Variants in MCUR1 observed in about 807,000 individuals in gnomAD.
MCUR1 encodes the protein mitochondrial calcium uniporter regulator 1, also known as MCU regulator 1.
In MCUR1, 37 loss-of-function variants were observed where a neutral mutation model predicts 42.0. The observed-to-expected ratio is 0.88, with a 90% CI of 0.68 to 1.16. MCUR1 has a LOEUF of 1.16. Ranked by LOEUF, MCUR1 falls within the 50% of genes most tolerant of loss-of-function variation. The pLI, the probability that MCUR1 is intolerant of heterozygous loss-of-function variation, is 0.00. For missense variants in MCUR1, 469 were observed against 468.4 expected (o/e 1.00, Z -0.01); for synonymous variants, 229 against 196.2 (o/e 1.17, Z -1.40).
chr6:13,809,629 C>T (rs1349853039), intron 1 of MCUR1, among the ~76,000 whole-genome samples: 2 of 150,078 alleles, frequency 1.3e-5, no homozygotes, highest in South Asian at 4.2e-4. Flanking sequence ...TGAACTAGTT[C>T]ATGGTTGTAA....
chr6:13,790,878 A>G lies in MCUR1; in HGVS notation c.1025-14T>C. ...TAAATATAGACCCTGTAAGAAAAAAACAATTGAGAGTACTATTAGTTCTAT... is the reference window on the plus strand; with the variant it reads ...TAAATATAGACCCTGTAAGAAAAAAGCAATTGAGAGTACTATTAGTTCTAT... On this transcript the variant is annotated splice_polypyrimidine_tract_variant and intron_variant, in intron 8 of 8. Transcript: ENST00000379170. 1 of 1,595,566 alleles carries G rather than the reference A, an allele frequency of 6.3e-7. No individual in the cohort carries two copies. Among genetic ancestry groups the G allele is most frequent in the South Asian group, 1.1e-5 (1 of 90,202 alleles).
intron 1 of MCUR1, among the ~76,000 whole-genome samples, chr6:13,807,250 T>C (rs1175528880): frequency 6.6e-6 from 1 of 152,208 alleles, no homozygotes; most frequent in Non-Finnish European, 1.5e-5. Flanking sequence ...AAATTTAGAA[T>C]ACTTTCATCA....
chr6:13,807,416 A>T lies in MCUR1; in HGVS notation c.416-372T>A, dbSNP rs114205804. 3.5e-3 allele frequency among the ~76,000 whole-genome samples: 534 copies of T among 152,232 alleles called. 4 individuals are homozygous for T. The highest frequency in any genetic ancestry group is 0.012 in the African/African-American group (509 of 41,532). On this transcript the variant is annotated intron_variant, in intron 1 of 8. Transcript: ENST00000379170. ...TCATAGAAATGGAATCATATAATAT[A>T]TATAGTCTTTTGTGACTGGCTTCTT...
Position 13,789,473 on chromosome 6 carries a change from A to C in MCUR1, c.*1336T>G, listed in dbSNP as rs1759677311. The C allele has an allele frequency of 1.3e-5, 2 of 152,344 alleles. No individual in the cohort carries two copies. Among genetic ancestry groups the C allele is most frequent in the South Asian group, 2.1e-4 (1 of 4,826 alleles). The allele number at this position is 152,344 out of a possible 1,614,324, so 9.4% of individuals were successfully genotyped here. ...GTATCTAGAATTTGTTTTCAATATA[A>C]AGGCAGGTATGAGAATGTTTTGAAC... On this transcript the variant is annotated 3_prime_UTR_variant, in exon 9 of 9. Transcript: ENST00000379170.
At chr6:13,803,298 T>C (rs1760033626) in intron 2 of MCUR1, among the ~76,000 whole-genome samples, 1 of 152,222 alleles carries the variant, frequency 6.6e-6, no homozygotes, top group African/African-American at 2.4e-5. Flanking sequence ...CGACCTCAGG[T>C]GATCTGCCCG....
At chr6:13,798,186 C>G (rs972538221) in intron 6 of MCUR1, among the ~76,000 whole-genome samples, 15 of 151,510 alleles carry the variant, frequency 9.9e-5, no homozygotes, top group Non-Finnish European at 1.9e-4. Context: ...ACCTCTGCCT[C>G]CTGGGTTCAA....
intron 6 of MCUR1, among the ~76,000 whole-genome samples, chr6:13,796,357 G>A (rs901132491): frequency 1.3e-5 from 2 of 148,602 alleles, no homozygotes; most frequent in African/African-American, 2.5e-5. Flanking sequence ...GCGTGATCTC[G>A]GCTCACTGCA....
At chr6:13,794,475 A>G (rs553975491) in intron 6 of MCUR1, among the ~76,000 whole-genome samples, 23 of 152,340 alleles carry the variant, frequency 1.5e-4, no homozygotes, top group Admixed American at 1.2e-3. Flanking sequence ...CATCATAACT[A>G]GTAGCAAAAC....
In MCUR1 at chr6:13,814,133, A is replaced by G; in HGVS notation, c.297T>C (p.Tyr99=). ...LGDWERSRLG[Y]AAPPAGRSSA... ...TGCTGCGCCCGGCCGGGGGTGCGGC[A>G]TACCCGAGGCGCGAGCGCTCCCAGT... The change falls in exon 1 of 9, where the codon TAT becomes TAC. Residue 99 remains tyrosine, a synonymous_variant. Transcript: ENST00000379170. 7.8e-7 allele frequency: 1 copy of G among 1,285,476 alleles called. No individual in the cohort carries two copies. Among genetic ancestry groups the G allele is most frequent in the Non-Finnish European group, 9.8e-7 (1 of 1,021,692 alleles). The allele number at this position is 1,285,476 out of a possible 1,614,324, so 79.6% of individuals were successfully genotyped here.
In MCUR1 at chr6:13,806,967, A is replaced by G. The variant is rs999649281; in HGVS notation, c.493T>C (p.Tyr165His). The G allele has an allele frequency of 6.2e-7, 1 of 1,613,506 alleles. No homozygotes were observed. Among genetic ancestry groups the G allele is most frequent in the South Asian group, 1.1e-5 (1 of 91,050 alleles). Reference protein sequence around the residue: ...DFTSSGSRKLYFDTHALVCLL... With the variant: ...DFTSSGSRKLHFDTHALVCLL... ...CACACTAAGGCATGAGTGTCGAAGTAGAGTTTCCTGCTCCCAGAAGAGGTG... is the reference window on the plus strand; with the variant it reads ...CACACTAAGGCATGAGTGTCGAAGTGGAGTTTCCTGCTCCCAGAAGAGGTG... The change falls in exon 2 of 9, where the codon TAC becomes CAC. Residue 165 changes from tyrosine to histidine, a missense_variant. Coordinates refer to ENST00000379170, the MANE Select transcript of MCUR1 (RefSeq NM_001031713.4).
At chr6:13,807,536 G>C (rs932031373) in intron 1 of MCUR1, among the ~76,000 whole-genome samples, 1 of 152,212 alleles carries the variant, frequency 6.6e-6, no homozygotes, top group Admixed American at 6.5e-5. Context: ...TATAGCTACA[G>C]TAAATTTTGT....
intron 1 of MCUR1, among the ~76,000 whole-genome samples, chr6:13,808,887 G>C (rs1760169667): frequency 6.6e-6 from 1 of 152,046 alleles, no homozygotes; most frequent in Admixed American, 6.6e-5. Context: ...ACACTTTCTT[G>C]ATTACTTTTA....
Position 13,814,444 on chromosome 6 carries a change from C to A in MCUR1, c.-15G>T. On this transcript the variant is annotated 5_prime_UTR_variant, in exon 1 of 9. Coordinates refer to ENST00000379170, the MANE Select transcript of MCUR1 (RefSeq NM_001031713.4). ...CCGCAGTCCATCCCCGAGCAGTTCA[C>A]TGGCCCGGGCGCGCGCTCATGCCTC... is the stretch of plus-strand genomic sequence containing the variant. 6.7e-7 allele frequency: 1 copy of A among 1,498,006 alleles called. No individual in the cohort carries two copies. The allele number at this position is 1,498,006 out of a possible 1,614,324, so 92.8% of individuals were successfully genotyped here. A position where few individuals can be genotyped will look rare whatever the true frequency, so the allele number is the denominator to read the frequency against.
At chr6:13,804,158 TA>T in intron 2 of MCUR1, 1 of 253,630 alleles carries the variant, frequency 3.9e-6, no homozygotes, top group South Asian at 4.0e-5. Context: ...CCGTCTCTAG[TA>T]AAAATACAGA....
chr6:13,790,658 G>C lies in MCUR1; in HGVS notation c.*151C>G. ...AGTAGAGACGGGGTTTCACCGTGTTGGCCAGGCTGGTCTCGAACTCCTGAC... is the reference window on the plus strand; with the variant it reads ...AGTAGAGACGGGGTTTCACCGTGTTCGCCAGGCTGGTCTCGAACTCCTGAC... On this transcript the variant is annotated 3_prime_UTR_variant, in exon 9 of 9. Coordinates refer to ENST00000379170, the MANE Select transcript of MCUR1 (RefSeq NM_001031713.4). 2.0e-6 allele frequency: 1 copy of C among 496,528 alleles called. No homozygotes were observed. The highest frequency in any genetic ancestry group is 3.7e-6 in the Non-Finnish European group (1 of 267,996). The allele number at this position is 496,528 out of a possible 1,614,324, so 30.8% of individuals were successfully genotyped here.
chr6:13,798,896 C>A lies in MCUR1; in HGVS notation c.792G>T (p.Val264=). The A allele has an allele frequency of 1.3e-6, 2 of 1,590,644 alleles. No homozygotes were observed. The highest frequency in any genetic ancestry group is 2.2e-5 in the South Asian group (2 of 90,222). ...HQLKQQVMDE[V]IKVRTDTKLD... is the part of the protein sequence containing the mutation. ...ATTTGGTATCTGTTCGGACTTTGAT[C>A]ACTTCATCCTAAAAGGAGGGCAAAC... Residue 264 remains valine (V), a synonymous_variant, in exon 6 of 9, where the codon GTG becomes GTT. Transcript: ENST00000379170.
At chr6:13,811,036 A>C (rs1337910521) in intron 1 of MCUR1, among the ~76,000 whole-genome samples, 1 of 152,212 alleles carries the variant, frequency 6.6e-6, no homozygotes. Flanking sequence ...TTAAACTTTA[A>C]GCATTCTTTT....
At chr6:13,809,359 T>C (rs569562670) in intron 1 of MCUR1, among the ~76,000 whole-genome samples, 4 of 152,350 alleles carry the variant, frequency 2.6e-5, no homozygotes, top group Non-Finnish European at 4.4e-5. Context: ...GATTTTCTCA[T>C]CTTTAATCAT....
chr6:13,791,435 T>C (rs1191743627), intron 8 of MCUR1, among the ~76,000 whole-genome samples: 1 of 152,118 alleles, frequency 6.6e-6, no homozygotes, highest in East Asian at 1.9e-4. Context: ...TAATGGTTAA[T>C]TTGGGTGGGG....
Sources: allele counts gnomAD v4.1 joint callset (sites outside exome capture counted in the v4.1 genomes callset), GRCh38; gene constraint gnomAD v4.1.1; transcripts MANE v1.5; gene names NCBI Gene and HGNC (gene_info 2026-07-23, HGNC 2026-07-21).